TNIK: variants seen among roughly 807,000 people sequenced by gnomAD.
TNIK encodes TRAF2 and NCK-interacting protein kinase.
TNIK carries 49 observed loss-of-function variants against 191.3 expected under a neutral mutation model. The observed-to-expected ratio is 0.26, with a 90% CI of 0.20 to 0.32. TNIK has a LOEUF of 0.32. Among genes scored for constraint, TNIK ranks in the 10% least tolerant of loss-of-function variants. TNIK has a pLI of 1.00. For synonymous variants in TNIK, 594 were observed against 600.9 expected (o/e 0.99, Z 0.17); for missense variants, 1,155 against 1,702.3 (o/e 0.68, Z 5.66).
At position 171,396,128 on chromosome 3, in the gene TNIK, C is replaced by G. The variant is rs183388086; in HGVS notation, c.58-26443G>C. Among the ~76,000 whole-genome samples the G allele has an allele frequency of 2.1e-3, 323 of 152,156 alleles. 1 individual carries two copies. Among genetic ancestry groups the G allele is most frequent in the African/African-American group, 7.5e-3 (313 of 41,472 alleles). On this transcript the variant is annotated intron_variant, in intron 1 of 32. Transcript: ENST00000436636. ...CTCATCCTCCCACCCACTGCCCCCC[C>G]AACCCTAAGCAATCAGTCATCTACT...
Position 171,228,203 on chromosome 3 carries a change from C to T in TNIK, c.142G>A (p.Gly48Ser). The T allele has an allele frequency of 6.2e-7, 1 of 1,613,454 alleles. No individual in the cohort carries two copies. Among genetic ancestry groups the T allele is most frequent in the Non-Finnish European group, 8.5e-7 (1 of 1,179,584 alleles). The change falls in exon 3 of 33, where the codon GGC becomes AGC. Residue 48 changes from glycine to serine, a missense_variant. Physicochemically the swap from Gly to Ser is moderately conservative, Grantham distance 56. Around this residue, in one of 3 missense-constraint regions of TNIK, gnomAD observed 225 missense variants for 438.9 expected, o/e 0.51. Transcript: ENST00000436636. ...QVYKGRHVKTGQLAAIKVMDV... is the reference protein window; with the variant it reads ...QVYKGRHVKTSQLAAIKVMDV... ...ATAACCTTGATGGCTGCAAGCTGGCCCGTTTTGACATGACGACCCTGTGAA... is the reference window on the plus strand; with the variant it reads ...ATAACCTTGATGGCTGCAAGCTGGCTCGTTTTGACATGACGACCCTGTGAA...
chr3:171,171,141 CAGG>C (rs1308366639), intron 9 of TNIK, among the ~76,000 whole-genome samples: 1 of 152,130 alleles, frequency 6.6e-6, no homozygotes, highest in African/African-American at 2.4e-5. Flanking sequence ...AATAGCTTAG[CAGG>C]AGGAGTCAAC....
Position 171,353,533 on chromosome 3 carries a change from T to C in TNIK, c.123+16087A>G, listed in dbSNP as rs557235823. ...TACTTTTACTGTGCACAGAACAAGG[T>C]CGGTCCTTGAGCTTTTAAAGAGACA... On this transcript the variant is annotated intron_variant, in intron 2 of 32. Coordinates refer to ENST00000436636, the MANE Select transcript of TNIK (RefSeq NM_015028.4). Among the ~76,000 whole-genome samples the C allele has an allele frequency of 4.6e-5, 7 of 152,296 alleles. No individual in the cohort carries two copies. The East Asian group carries it at 1.2e-3, about 25-fold the overall frequency.
chr3:171,348,704 G>C (rs949903021), intron 2 of TNIK, among the ~76,000 whole-genome samples: 1 of 152,032 alleles, frequency 6.6e-6, no homozygotes, highest in African/African-American at 2.4e-5. Flanking sequence ...AAAATGGGGA[G>C]GGCCTACAAC....
chr3:171,111,646 G>T (rs1725877245), intron 18 of TNIK, among the ~76,000 whole-genome samples: 2 of 152,122 alleles, frequency 1.3e-5, no homozygotes, highest in Non-Finnish European at 2.9e-5. Flanking sequence ...AGGATCCAGA[G>T]ATTCCACTTC....
chr3:171,110,941 A>G, intron 18 of TNIK, 64 bp from the exon 19 acceptor site: 1 of 1,459,254 alleles, frequency 6.9e-7, no homozygotes, highest in South Asian at 1.5e-5. Flanking sequence ...CAGATCACAT[A>G]TCTGATAAGG....
intron 1 of TNIK, among the ~76,000 whole-genome samples, chr3:171,453,002 C>T (rs914223293): frequency 4.6e-5 from 7 of 152,140 alleles, no homozygotes; most frequent in African/African-American, 1.7e-4. Context: ...GCAACCTAGA[C>T]TATAATGTAA....
intron 2 of TNIK, among the ~76,000 whole-genome samples, chr3:171,365,214 C>T (rs1482752521): frequency 1.3e-5 from 1 of 74,328 alleles, no homozygotes; most frequent in Non-Finnish European, 2.8e-5. Flanking sequence ...CAGAGTTTCG[C>T]TCTACTTGCC....
chr3:171,158,215 C>A (rs987375118), intron 11 of TNIK, among the ~76,000 whole-genome samples: 2 of 152,186 alleles, frequency 1.3e-5, no homozygotes, highest in African/African-American at 4.8e-5. Context: ...AGGATCTGAG[C>A]CCAAGCCTGC....
intron 22 of TNIK, among the ~76,000 whole-genome samples, chr3:171,099,394 T>G (rs1000654664): frequency 1.3e-5 from 2 of 150,082 alleles, no homozygotes; most frequent in African/African-American, 5.1e-5. Context: ...TTTTTAATCT[T>G]GCTGACAGTT....
At chr3:171,426,736 T>G (rs907579368) in intron 1 of TNIK, among the ~76,000 whole-genome samples, 2 of 152,048 alleles carry the variant, frequency 1.3e-5, no homozygotes, top group Non-Finnish European at 2.9e-5. Flanking sequence ...CTCACCACAC[T>G]CTGCCACTGT....
At chr3:171,091,782 T>C (rs1722093697) in intron 23 of TNIK, among the ~76,000 whole-genome samples, 1 of 151,810 alleles carries the variant, frequency 6.6e-6, no homozygotes, top group South Asian at 2.1e-4. Flanking sequence ...TCTCTACATA[T>C]GTAAATACTC....
chr3:171,209,885 C>T (rs1465922499), intron 4 of TNIK, among the ~76,000 whole-genome samples: 2 of 152,086 alleles, frequency 1.3e-5, no homozygotes, highest in East Asian at 3.9e-4. Flanking sequence ...ATTCTGTCTT[C>T]CCCACTGGAT....
intron 2 of TNIK, among the ~76,000 whole-genome samples, chr3:171,323,357 G>A (rs960822554): frequency 6.6e-5 from 10 of 152,258 alleles, no homozygotes; most frequent in East Asian, 5.8e-4. Context: ...GGTAACTTAC[G>A]TATGCCCCTC....
intron 4 of TNIK, among the ~76,000 whole-genome samples, chr3:171,201,263 G>T (rs904662734): frequency 1.3e-5 from 2 of 152,152 alleles, no homozygotes; most frequent in African/African-American, 4.8e-5. Flanking sequence ...GGCAGGCGTG[G>T]TGGTGCATGC....
intron 7 of TNIK, among the ~76,000 whole-genome samples, chr3:171,184,149 TC>T (rs895698196): frequency 6.6e-5 from 10 of 152,074 alleles, no homozygotes; most frequent in African/African-American, 2.2e-4. Context: ...GTTAAATAAC[TC>T]CCCTGAGTTA....
chr3:171,233,705 T>C (rs756259186), intron 2 of TNIK, among the ~76,000 whole-genome samples: 17 of 152,200 alleles, frequency 1.1e-4, no homozygotes, highest in Admixed American at 2.6e-4. Context: ...TGGGAATAGA[T>C]TGGATATGTA....
chr3:171,420,125 T>TA (rs1723575477), intron 1 of TNIK, among the ~76,000 whole-genome samples: 1 of 152,096 alleles, frequency 6.6e-6, no homozygotes, highest in African/African-American at 2.4e-5. Context: ...ATGCCTGACT[T>TA]ATGAGGGTTT....
At chr3:171,424,843 GGA>G (rs1213505087) in intron 1 of TNIK, among the ~76,000 whole-genome samples, 1 of 115,590 alleles carries the variant, frequency 8.7e-6, no homozygotes, top group Non-Finnish European at 1.7e-5. Flanking sequence ...TGGGGTGGGG[GGA>G]GGGGGGAGGG....
Sources: allele counts gnomAD v4.1 joint callset (sites outside exome capture counted in the v4.1 genomes callset), GRCh38; gene constraint gnomAD v4.1.1; regional missense constraint gnomAD v4.1.1; transcripts MANE v1.5; gene names NCBI Gene and HGNC (gene_info 2026-07-23, HGNC 2026-07-21).